GALNT13: variants seen among roughly 807,000 people sequenced by gnomAD.
GALNT13 encodes the protein UDP-GalNAc:polypeptide N-acetylgalactosaminyltransferase 13.
In GALNT13, 28 loss-of-function variants were observed where a neutral mutation model predicts 64.2. The observed-to-expected ratio is 0.44, with a 90% CI of 0.32 to 0.60. The LOEUF (loss-of-function observed/expected upper bound fraction) is 0.60, where lower values mean the gene tolerates loss of function less well. GALNT13 is among the 20% of genes least tolerant of loss of function. GALNT13 has a pLI of 0.05. For missense variants in GALNT13, 577 were observed against 669.8 expected (o/e 0.86, Z 1.53); for synonymous variants, 214 against 224.6 (o/e 0.95, Z 0.42).
At chr2:153,512,027 G>A in the GALNT13 span, among the ~76,000 whole-genome samples, 3 of 152,264 alleles carry the variant, frequency 2.0e-5, no homozygotes, top group African/African-American at 4.8e-5. Context: ...GACCTACAAT[G>A]TAACCATGGG....
the GALNT13 span, among the ~76,000 whole-genome samples, chr2:153,302,390 A>G: frequency 4.6e-3 from 694 of 152,090 alleles, 7 homozygotes; most frequent in African/African-American, 0.016. Context: ...GCCTATTTTT[A>G]AATCAGGGTT....
At chr2:153,886,659 T>C (rs765142494) in intron 1 of GALNT13, among the ~76,000 whole-genome samples, 13 of 152,160 alleles carry the variant, frequency 8.5e-5, no homozygotes, top group Non-Finnish European at 1.5e-4. Context: ...TAGTTTGTGA[T>C]TACCGTCTCT....
chr2:153,793,974 A>T, the GALNT13 span, among the ~76,000 whole-genome samples: 1 of 152,158 alleles, frequency 6.6e-6, no homozygotes, highest in African/African-American at 2.4e-5. Flanking sequence ...TATATACAGT[A>T]TGTTGTAACA....
intron 2 of GALNT13, among the ~76,000 whole-genome samples, chr2:153,906,753 A>G (rs1397267466): frequency 5.3e-5 from 8 of 151,822 alleles, no homozygotes; most frequent in African/African-American, 1.9e-4. Flanking sequence ...TCCTTTGGGT[A>G]TATACCCAGT....
At chr2:153,683,228 A>C in the GALNT13 span, among the ~76,000 whole-genome samples, 1 of 151,728 alleles carries the variant, frequency 6.6e-6, no homozygotes. Context: ...CAAGTGATTT[A>C]ACTCTCATCC....
the GALNT13 span, among the ~76,000 whole-genome samples, chr2:153,400,974 C>A: frequency 9.1e-4 from 138 of 151,056 alleles, 1 homozygote; most frequent in East Asian, 0.025. Flanking sequence ...CTAGCTTTTG[C>A]ATGTGTTTGC....
chr2:153,349,866 TA>T, the GALNT13 span, among the ~76,000 whole-genome samples: 2 of 151,726 alleles, frequency 1.3e-5, no homozygotes, highest in African/African-American at 4.8e-5. Context: ...AGAATCCAAT[TA>T]AAAAAAAGAA....
chr2:153,639,082 T>C, the GALNT13 span, among the ~76,000 whole-genome samples: 3 of 133,426 alleles, frequency 2.2e-5, no homozygotes, highest in African/African-American at 8.4e-5. Context: ...TTGTTTTGTT[T>C]TGGTCAGGCA....
chr2:153,723,560 G>T, the GALNT13 span, among the ~76,000 whole-genome samples: 3 of 151,422 alleles, frequency 2.0e-5, no homozygotes, highest in East Asian at 2.0e-4. Context: ...AAACCCCATC[G>T]TCTCAGCCCA....
At chr2:153,135,311 A>T in the GALNT13 span, among the ~76,000 whole-genome samples, 4 of 152,228 alleles carry the variant, frequency 2.6e-5, no homozygotes, top group African/African-American at 9.6e-5. Flanking sequence ...CTTCAACATG[A>T]ATCTGGGTGT....
At chr2:153,622,155 C>T in the GALNT13 span, among the ~76,000 whole-genome samples, 5 of 151,928 alleles carry the variant, frequency 3.3e-5, no homozygotes, top group African/African-American at 7.2e-5. Context: ...TTCATAAATA[C>T]GTAGGTTCTG....
chr2:154,184,258 A>G (rs749367493), intron 4 of GALNT13, among the ~76,000 whole-genome samples: 6 of 151,998 alleles, frequency 3.9e-5, no homozygotes, highest in African/African-American at 9.7e-5. Context: ...TAACTCATAG[A>G]ATATGCTGTT....
At chr2:153,339,008 T>G in the GALNT13 span, among the ~76,000 whole-genome samples, 1 of 152,244 alleles carries the variant, frequency 6.6e-6, no homozygotes, top group East Asian at 1.9e-4. Flanking sequence ...ATACCACATT[T>G]TCTTTATTCA....
intron 10 of GALNT13, among the ~76,000 whole-genome samples, chr2:154,401,635 T>C (rs1049620861): frequency 6.6e-6 from 1 of 152,274 alleles, no homozygotes; most frequent in East Asian, 1.9e-4. Context: ...TAAACTAAAA[T>C]TCATTCTAAT....
the GALNT13 span, among the ~76,000 whole-genome samples, chr2:153,166,562 A>G: frequency 2.6e-5 from 4 of 151,716 alleles, no homozygotes; most frequent in South Asian, 8.3e-4. Context: ...TTAGAGATCC[A>G]TGCTGCTTCC....
the GALNT13 span, among the ~76,000 whole-genome samples, chr2:153,439,149 G>A: frequency 5.9e-5 from 9 of 152,222 alleles, no homozygotes; most frequent in East Asian, 3.9e-4. Flanking sequence ...TTGGTGAACC[G>A]CAAATGCTGC....
the GALNT13 span, among the ~76,000 whole-genome samples, chr2:153,634,148 G>A: frequency 0.017 from 2,509 of 151,996 alleles, 72 homozygotes; most frequent in African/African-American, 0.057. Flanking sequence ...CAGAACCACC[G>A]GGAAAATTAT....
intron 12 of GALNT13, among the ~76,000 whole-genome samples, chr2:154,448,248 A>G (rs556049320): frequency 1.3e-4 from 20 of 152,176 alleles, no homozygotes; most frequent in Admixed American, 1.3e-3. Context: ...TTGCAGATGC[A>G]GTTTATCAAT....
intron 4 of GALNT13, among the ~76,000 whole-genome samples, chr2:154,233,843 A>G (rs1222746895): frequency 1.3e-5 from 2 of 152,120 alleles, no homozygotes; most frequent in African/African-American, 2.4e-5. Flanking sequence ...GATGGCAGAT[A>G]GCTCATGGAT....
Sources: gnomAD v4.1 joint callset for allele counts (sites outside exome capture counted in the v4.1 genomes callset) on GRCh38, gnomAD v4.1.1 for gene constraint, MANE v1.5 for transcripts, NCBI Gene and HGNC (gene_info 2026-07-23, HGNC 2026-07-21) for gene names.